SOX6: variants seen among roughly 807,000 people sequenced by gnomAD.
SOX6 encodes SRY-box transcription factor 6.
SOX6 carries 11 observed loss-of-function variants against 97.8 expected under a neutral mutation model. The ratio of observed to expected loss-of-function variants is 0.11; its 90% CI spans 0.07 to 0.19. SOX6 has a LOEUF of 0.19. SOX6 is among the 10% of genes least tolerant of loss of function. The pLI, the probability that SOX6 is intolerant of heterozygous loss-of-function variation, is 1.00. For synonymous variants in SOX6, 360 were observed against 371.4 expected, an observed-to-expected ratio of 0.97 and a Z score of 0.35; for missense variants, 810 against 1,039.5, an observed-to-expected ratio of 0.78 and a Z score of 3.04.
intron 6 of SOX6, among the ~76,000 whole-genome samples, chr11:16,174,611 C>G (rs1358978781): frequency 3.3e-5 from 5 of 151,678 alleles, no homozygotes; most frequent in Non-Finnish European, 7.4e-5. Context: ...TTTTTATTTC[C>G]CATCTCTCAA....
intron 7 of SOX6, among the ~76,000 whole-genome samples, chr11:16,101,330 C>T (rs1848941991): frequency 6.6e-6 from 1 of 151,472 alleles, no homozygotes; most frequent in Non-Finnish European, 1.5e-5. Context: ...TTCAATTTGT[C>T]CTGAGGACAA....
intron 4 of SOX6, among the ~76,000 whole-genome samples, chr11:16,597,642 G>T (rs1381654802): frequency 6.6e-6 from 1 of 151,792 alleles, no homozygotes; most frequent in Non-Finnish European, 1.5e-5. Context: ...ATTGAGATGG[G>T]TATATTTGAC....
chr11:16,641,159 C>T (rs1590030182), intron 3 of SOX6, among the ~76,000 whole-genome samples: 1 of 152,190 alleles, frequency 6.6e-6, no homozygotes, highest in South Asian at 2.1e-4. Flanking sequence ...GCCTTCATTT[C>T]GTTATGTACC....
At chr11:16,522,961 G>A (rs1407329232) in intron 4 of SOX6, among the ~76,000 whole-genome samples, 1 of 152,088 alleles carries the variant, frequency 6.6e-6, no homozygotes, top group Non-Finnish European at 1.5e-5. Flanking sequence ...CCCAATACAG[G>A]AGCACCCAGA....
At chr11:16,624,797 G>A (rs747805185) in intron 3 of SOX6, among the ~76,000 whole-genome samples, 1 of 152,162 alleles carries the variant, frequency 6.6e-6, no homozygotes, top group East Asian at 1.9e-4. Context: ...ATATTGTCCA[G>A]TTTGTTTGGT....
At chr11:16,590,313 A>C (rs1218442726) in intron 4 of SOX6, among the ~76,000 whole-genome samples, 2 of 152,236 alleles carry the variant, frequency 1.3e-5, no homozygotes, top group Non-Finnish European at 2.9e-5. Context: ...AATATGTACC[A>C]GGAAAGATAC....
intron 12 of SOX6, among the ~76,000 whole-genome samples, chr11:16,024,290 T>C (rs1213234551): frequency 6.6e-6 from 1 of 152,048 alleles, no homozygotes; most frequent in Non-Finnish European, 1.5e-5. Flanking sequence ...GTTGTTTAAG[T>C]CCGCTGTCTC....
intron 2 of SOX6, among the ~76,000 whole-genome samples, chr11:16,331,141 G>A (rs909193742): frequency 6.6e-6 from 1 of 152,038 alleles, no homozygotes; most frequent in Admixed American, 6.6e-5. Flanking sequence ...CTCCTCCTCT[G>A]CAGTTGTTTT....
intron 3 of SOX6, among the ~76,000 whole-genome samples, chr11:16,305,603 T>C (rs554248150): frequency 3.1e-4 from 47 of 152,330 alleles, no homozygotes; most frequent in African/African-American, 1.0e-3. Context: ...TACACAAATG[T>C]TCATAGCAAG....
At chr11:16,600,358 A>G (rs1848254318) in intron 4 of SOX6, among the ~76,000 whole-genome samples, 1 of 152,240 alleles carries the variant, frequency 6.6e-6, no homozygotes, top group Non-Finnish European at 1.5e-5. Flanking sequence ...GCATGGTATC[A>G]CTATAAAAAG....
At chr11:16,155,915 C>T (rs1850584256) in intron 6 of SOX6, among the ~76,000 whole-genome samples, 1 of 151,968 alleles carries the variant, frequency 6.6e-6, no homozygotes, top group Admixed American at 6.6e-5. Context: ...TTCCCTTCTC[C>T]CTGAATATCC....
At chr11:16,108,494 A>C (rs1326847525) in intron 7 of SOX6, among the ~76,000 whole-genome samples, 1 of 152,290 alleles carries the variant, frequency 6.6e-6, no homozygotes, top group East Asian at 1.9e-4. Flanking sequence ...TTGTGCTCAA[A>C]TGTATCTATC....
intron 6 of SOX6, among the ~76,000 whole-genome samples, chr11:16,168,880 A>T (rs1044237985): frequency 6.6e-6 from 1 of 152,166 alleles, no homozygotes; most frequent in Non-Finnish European, 1.5e-5. Flanking sequence ...TAACCAAGTT[A>T]TCGGTCAGCT....
At chr11:16,664,182 T>C (rs1847787426) in intron 3 of SOX6, among the ~76,000 whole-genome samples, 1 of 152,098 alleles carries the variant, frequency 6.6e-6, no homozygotes, top group Non-Finnish European at 1.5e-5. Flanking sequence ...GAACACCAAA[T>C]TGAACAACTA....
At chr11:15,986,169 G>C (rs1297092111) in intron 15 of SOX6, 35 bp downstream of exon 15, 2 of 1,594,692 alleles carry the variant, frequency 1.3e-6, no homozygotes, top group Non-Finnish European at 1.7e-6. Context: ...TACCGCAAAA[G>C]TAAAGCCCAG....
chr11:16,450,528 A>T lies in SOX6; in HGVS notation c.-5+25787T>A, dbSNP rs1397221438. On this transcript the variant is annotated intron_variant, in intron 1 of 15. Transcript: ENST00000396356. ...AAAACTACACAGATCAAACTTTCTA[A>T]CCTGGGCACTAGAAAAGTTAATACA... is the stretch of plus-strand genomic sequence containing the variant. Among the ~76,000 whole-genome samples the T allele has an allele frequency of 2.6e-5, 4 of 152,326 alleles. No individual in the cohort carries two copies. The East Asian group carries it at 7.7e-4, about 29-fold the overall frequency.
chr11:16,375,160 T>C (rs966019293), intron 1 of SOX6, among the ~76,000 whole-genome samples: 2 of 152,122 alleles, frequency 1.3e-5, no homozygotes, highest in African/African-American at 4.8e-5. Context: ...AGTTTACTAT[T>C]ATTAACTAAC....
At position 16,136,182 on chromosome 11, in the gene SOX6, C is replaced by G. The variant is rs952512090; in HGVS notation, c.778-24259G>C. On this transcript the variant is annotated intron_variant, in intron 6 of 15. Transcript: ENST00000683767. Reference sequence around the variant, plus strand: ...TACAGTTGCGCACCAACACGCCCAGCTAATTTTTTTGTATTTTAGTAGAGA... The same window carrying G: ...TACAGTTGCGCACCAACACGCCCAGGTAATTTTTTTGTATTTTAGTAGAGA... Among the ~76,000 whole-genome samples, 8 of 151,804 alleles carry G rather than the reference C, an allele frequency of 5.3e-5. No individual in the cohort carries two copies. In the South Asian group the frequency reaches 1.0e-3, roughly 20 times the overall value.
intron 3 of SOX6, among the ~76,000 whole-genome samples, chr11:16,257,690 G>T (rs913276622): frequency 2.0e-5 from 3 of 151,790 alleles, no homozygotes; most frequent in Non-Finnish European, 4.4e-5. Context: ...ATCCATTAAA[G>T]AAATAATTGA....
Sources: allele counts gnomAD v4.1 joint callset (sites outside exome capture counted in the v4.1 genomes callset), GRCh38; gene constraint gnomAD v4.1.1; transcripts MANE v1.5; gene names NCBI Gene and HGNC (gene_info 2026-07-23, HGNC 2026-07-21).